The following CLSTN2 variants were observed in gnomAD, a reference collection of about 807,000 sequenced individuals.
The protein encoded by CLSTN2 is calsyntenin-2.
CLSTN2 carries 48 observed loss-of-function variants against 101.2 expected under a neutral mutation model. The ratio of observed to expected loss-of-function variants is 0.47; its 90% CI spans 0.38 to 0.60. CLSTN2 has a LOEUF of 0.60. Ranked by LOEUF, CLSTN2 falls within the 20% of genes least tolerant of loss-of-function variation. CLSTN2 has a pLI of 0.00. For synonymous variants in CLSTN2, 481 were observed against 463.6 expected (o/e 1.04, Z -0.48); for missense variants, 1,160 against 1,238.2 (o/e 0.94, Z 0.95).
chr3:140,175,613 C>T (rs1270818097), intron 1 of CLSTN2, among the ~76,000 whole-genome samples: 1 of 152,174 alleles, frequency 6.6e-6, no homozygotes, highest in Non-Finnish European at 1.5e-5. Context: ...AGCTTTCAAT[C>T]AGTTCTCAGT....
At chr3:140,011,776 G>T (rs1336655949) in intron 1 of CLSTN2, among the ~76,000 whole-genome samples, 2 of 152,018 alleles carry the variant, frequency 1.3e-5, no homozygotes, top group Non-Finnish European at 2.9e-5. Flanking sequence ...GTTCTGGCAG[G>T]ATGGGTAAGT....
At chr3:140,194,149 C>A (rs1394435590) in intron 2 of CLSTN2, among the ~76,000 whole-genome samples, 1 of 152,070 alleles carries the variant, frequency 6.6e-6, no homozygotes, top group Non-Finnish European at 1.5e-5. Context: ...GAATACCATA[C>A]CCTAGGTGGC....
At chr3:140,061,711 C>T (rs1055482373) in intron 1 of CLSTN2, among the ~76,000 whole-genome samples, 5 of 152,212 alleles carry the variant, frequency 3.3e-5, no homozygotes, top group African/African-American at 1.2e-4. Context: ...TTACCCAGGG[C>T]AGGACACAGT....
intron 1 of CLSTN2, among the ~76,000 whole-genome samples, chr3:139,968,835 T>C (rs150835669): frequency 1.3e-5 from 2 of 152,346 alleles, no homozygotes; most frequent in East Asian, 3.9e-4. Context: ...TTATTGACAT[T>C]TTAATTCAAA....
At position 140,356,626 on chromosome 3, in the gene CLSTN2, C is replaced by T. The variant is rs547542859; in HGVS notation, c.233-47003C>T. ...TACAAAAATTAGCCGAGTGTGGTGA[C>T]GCACGCCTGTCATCCCAGCTGCTCA... On this transcript the variant is annotated intron_variant, in intron 2 of 16. Transcript: ENST00000458420. 2.5e-4 allele frequency among the ~76,000 whole-genome samples: 38 copies of T among 151,728 alleles called. No individual in the cohort carries two copies. The South Asian group carries it at 5.0e-3, about 20-fold the overall frequency.
In CLSTN2 at chr3:139,937,738, C is replaced by T. The variant is rs1935053029; in HGVS notation, c.109+2255C>T. On this transcript the variant is annotated intron_variant, in intron 1 of 16. Transcript: ENST00000458420. ...CAGCCTGGGCAACAAGAATGAAACT[C>T]CGTCTCAAAAACAAACAAACAAACA... 2.6e-5 allele frequency among the ~76,000 whole-genome samples: 4 copies of T among 152,110 alleles called. No individual in the cohort carries two copies. The South Asian group carries it at 8.3e-4, about 32-fold the overall frequency.
chr3:140,412,324 G>T (rs890209197), intron 4 of CLSTN2, among the ~76,000 whole-genome samples: 3 of 152,284 alleles, frequency 2.0e-5, no homozygotes, highest in Non-Finnish European at 4.4e-5. Flanking sequence ...CCCATGGGGA[G>T]TTTTAATTGT....
chr3:139,981,145 T>G (rs1436854830), intron 1 of CLSTN2, among the ~76,000 whole-genome samples: 1 of 152,174 alleles, frequency 6.6e-6, no homozygotes, highest in Admixed American at 6.5e-5. Context: ...ATCTCTTTTC[T>G]CACAACTTTT....
intron 5 of CLSTN2, among the ~76,000 whole-genome samples, chr3:140,422,153 G>A (rs866833733): frequency 1.3e-5 from 2 of 151,100 alleles, no homozygotes; most frequent in Admixed American, 6.6e-5. Flanking sequence ...TTAAGCTTCT[G>A]CCTCCCTCTT....
intron 2 of CLSTN2, among the ~76,000 whole-genome samples, chr3:140,196,079 G>A (rs184607411): frequency 5.3e-5 from 8 of 152,284 alleles, no homozygotes; most frequent in Non-Finnish European, 7.4e-5. Context: ...AGTCCTAGGC[G>A]GATTTTCTCA....
intron 13 of CLSTN2, 23 bp downstream of exon 13, chr3:140,562,331 T>C: frequency 1.2e-6 from 2 of 1,603,220 alleles, no homozygotes; most frequent in Non-Finnish European, 1.7e-6. Flanking sequence ...TCAGCCCCCT[T>C]TGCCCCAAGG....
At chr3:140,140,536 A>C (rs1435789404) in intron 1 of CLSTN2, among the ~76,000 whole-genome samples, 2 of 152,118 alleles carry the variant, frequency 1.3e-5, no homozygotes, top group African/African-American at 4.8e-5. Context: ...CCATGACCCA[A>C]ACACCTCCTA....
intron 2 of CLSTN2, among the ~76,000 whole-genome samples, chr3:140,337,109 G>C (rs2087450863): frequency 6.6e-6 from 1 of 152,194 alleles, no homozygotes; most frequent in East Asian, 1.9e-4. Context: ...CTTGGGAGCT[G>C]TCACTCAGCC....
chr3:140,084,346 G>A (rs1331593386), intron 1 of CLSTN2, among the ~76,000 whole-genome samples: 1 of 152,144 alleles, frequency 6.6e-6, no homozygotes, highest in Non-Finnish European at 1.5e-5. Context: ...ACTGAATGAA[G>A]TACTGGGCAG....
intron 1 of CLSTN2, among the ~76,000 whole-genome samples, chr3:139,949,054 A>G (rs57551740): frequency 0.05 from 7,642 of 151,968 alleles, 600 homozygotes; most frequent in African/African-American, 0.17. Flanking sequence ...GTCTCCTCCT[A>G]TGCTTTGTCC....
intron 2 of CLSTN2, among the ~76,000 whole-genome samples, chr3:140,220,132 C>T (rs766223464): frequency 2.6e-5 from 4 of 152,188 alleles, no homozygotes; most frequent in African/African-American, 7.2e-5. Flanking sequence ...AGCAAAATAA[C>T]GTCTCAATGA....
chr3:140,343,100 G>T (rs2087507926), intron 2 of CLSTN2, among the ~76,000 whole-genome samples: 1 of 152,122 alleles, frequency 6.6e-6, no homozygotes, highest in Non-Finnish European at 1.5e-5. Context: ...TTTCTTCCCT[G>T]ACTTTATCTT....
intron 2 of CLSTN2, among the ~76,000 whole-genome samples, chr3:140,254,548 C>T (rs961286917): frequency 9.9e-5 from 15 of 152,092 alleles, no homozygotes; most frequent in African/African-American, 3.6e-4. Context: ...ATGTGGTCCT[C>T]ATCTCTGTCA....
At chr3:140,249,584 C>T (rs755005283) in intron 2 of CLSTN2, among the ~76,000 whole-genome samples, 2 of 152,158 alleles carry the variant, frequency 1.3e-5, no homozygotes, top group African/African-American at 2.4e-5. Context: ...GTGGTTTGCA[C>T]ATTTTATCCT....
Sources: gnomAD v4.1 joint callset for allele counts (sites outside exome capture counted in the v4.1 genomes callset) on GRCh38, gnomAD v4.1.1 for gene constraint, MANE v1.5 for transcripts, NCBI Gene and HGNC (gene_info 2026-07-23, HGNC 2026-07-21) for gene names.